PLEKHA6: variants seen among roughly 807,000 people sequenced by gnomAD.
PLEKHA6 encodes pleckstrin homology domain-containing family A member 6.
In PLEKHA6, 60 loss-of-function variants were observed where a neutral mutation model predicts 116.7. The ratio of observed to expected loss-of-function variants is 0.51; its 90% confidence interval spans 0.42 to 0.64. PLEKHA6 has a LOEUF of 0.64. PLEKHA6 is among the 30% of genes least tolerant of loss of function. The pLI is 0.00. For missense variants in PLEKHA6, 1,338 were observed against 1,422.7 expected, an observed-to-expected ratio of 0.94 and a Z score of 0.96; for synonymous variants, 489 against 556.1, an observed-to-expected ratio of 0.88 and a Z score of 1.70.
Position 204,228,242 on chromosome 1 carries a change from G to A in PLEKHA6, c.2886-14C>T. On this transcript the variant is annotated splice_polypyrimidine_tract_variant and intron_variant, in intron 20 of 22. Transcript: ENST00000272203. The surrounding 1 kb of genome is among the most constrained non-coding windows in gnomAD (Gnocchi z 4.0). ...ACGTTCTGCATACTGAAGAGGCACA[G>A]ACACACAGAAATGGAGGGAGGGACA... The A allele has an allele frequency of 6.3e-7, 1 of 1,582,452 alleles. No individual in the cohort carries two copies. The highest frequency in any genetic ancestry group is 1.1e-5 in the South Asian group (1 of 86,998).
chr1:204,358,341 T>A (rs1673471573), intron 1 of PLEKHA6, among the ~76,000 whole-genome samples: 1 of 151,054 alleles, frequency 6.6e-6, no homozygotes, highest in Non-Finnish European at 1.5e-5. Context: ...CGCTCCCACC[T>A]CCCCTCCACC....
In PLEKHA6 at chr1:204,261,212, C is replaced by T; in HGVS notation, c.524+94G>A. On this transcript the variant is annotated intron_variant, in intron 7 of 22. Coordinates refer to ENST00000272203, the MANE Select transcript of PLEKHA6 (RefSeq NM_014935.5). The surrounding 1 kb of genome is among the most constrained non-coding windows in gnomAD (Gnocchi z 4.0). ...CACATTCTCCAGGGCTTCAAGTAGGCACACTGGGATTAGCAATGGCCCAGA... is the reference window on the plus strand; with the variant it reads ...CACATTCTCCAGGGCTTCAAGTAGGTACACTGGGATTAGCAATGGCCCAGA... 1 of 1,439,368 alleles carries T rather than the reference C, an allele frequency of 6.9e-7. No homozygotes were observed. The highest frequency in any genetic ancestry group is 9.8e-7 in the Non-Finnish European group (1 of 1,023,186). The allele number at this position is 1,439,368 out of a possible 1,614,324, so 89.2% of individuals were successfully genotyped here. A position where few individuals can be genotyped will look rare whatever the true frequency, so the allele number is the denominator to read the frequency against.
chr1:204,298,529 G>T (rs757343298), intron 1 of PLEKHA6, among the ~76,000 whole-genome samples: 1 of 152,198 alleles, frequency 6.6e-6, no homozygotes, highest in Non-Finnish European at 1.5e-5. Context: ...GGTTCCATCA[G>T]TCAGACTACC....
intron 1 of PLEKHA6, among the ~76,000 whole-genome samples, chr1:204,350,536 T>C (rs1270215891): frequency 6.6e-6 from 1 of 152,118 alleles, no homozygotes; most frequent in African/African-American, 2.4e-5. Context: ...CTTCACAGGC[T>C]GGAAAGCAGC....
chr1:204,234,728 A>T (rs1309415207), intron 17 of PLEKHA6, among the ~76,000 whole-genome samples: 1 of 151,872 alleles, frequency 6.6e-6, no homozygotes, highest in Non-Finnish European at 1.5e-5. Context: ...GCACAATCTA[A>T]TCAGCTGCCA....
At chr1:204,273,995 A>C (rs1176489508) in intron 2 of PLEKHA6, among the ~76,000 whole-genome samples, 1 of 152,146 alleles carries the variant, frequency 6.6e-6, no homozygotes, top group Non-Finnish European at 1.5e-5. Context: ...GCACAGTGGC[A>C]CAATCAAGAC....
chr1:204,326,973 G>T, intron 1 of PLEKHA6: 1 of 985,234 alleles, frequency 1.0e-6, no homozygotes, highest in South Asian at 4.7e-5. Flanking sequence ...AGGCAGAAGC[G>T]CGCTGGGTAC....
In PLEKHA6 at chr1:204,257,052, A is replaced by T. The variant is rs764011493; in HGVS notation, c.1524+301T>A. On this transcript the variant is annotated intron_variant, in intron 9 of 22. Transcript: ENST00000272203. The surrounding 1 kb of genome is among the most constrained non-coding windows in gnomAD (Gnocchi z 6.5). ...GCAATGATCTGTCCAGGTCCTCAAGATTTGAAAAGACAGAACCCTCTCTGC... is the reference window on the plus strand; with the variant it reads ...GCAATGATCTGTCCAGGTCCTCAAGTTTTGAAAAGACAGAACCCTCTCTGC... Among the ~76,000 whole-genome samples, 1 of 152,206 alleles carries T rather than the reference A, an allele frequency of 6.6e-6. No homozygotes were observed. The highest frequency in any genetic ancestry group is 2.4e-5 in the African/African-American group (1 of 41,456).
intron 1 of PLEKHA6, among the ~76,000 whole-genome samples, chr1:204,308,438 A>C (rs968629702): frequency 7.2e-5 from 11 of 152,162 alleles, no homozygotes; most frequent in African/African-American, 2.7e-4. Context: ...AATCAATGTC[A>C]GTTGGAACCA....
chr1:204,234,955 TA>T, intron 17 of PLEKHA6, among the ~76,000 whole-genome samples: 1 of 1,008 alleles, frequency 9.9e-4, no homozygotes, highest in Admixed American at 5.8e-3. Flanking sequence ...AACTGCCCTT[TA>T]TATATATATA....
intron 17 of PLEKHA6, among the ~76,000 whole-genome samples, chr1:204,234,385 T>C (rs1457054654): frequency 6.6e-6 from 1 of 152,130 alleles, no homozygotes; most frequent in Non-Finnish European, 1.5e-5. Flanking sequence ...ACAGAATAAG[T>C]TTCTATTGTT....
intron 9 of PLEKHA6, among the ~76,000 whole-genome samples, chr1:204,254,488 G>A (rs1665016252): frequency 6.6e-6 from 1 of 152,060 alleles, no homozygotes; most frequent in South Asian, 2.1e-4. Flanking sequence ...TCATCCTAAT[G>A]AGGTTTGACA....
intron 1 of PLEKHA6, among the ~76,000 whole-genome samples, chr1:204,321,569 C>G (rs1190464736): frequency 1.3e-5 from 2 of 151,680 alleles, no homozygotes; most frequent in African/African-American, 2.4e-5. Flanking sequence ...ACCCTTCCAC[C>G]CTACCCTTCC....
In PLEKHA6 at chr1:204,257,964, G is replaced by A. The variant is rs1665588334; in HGVS notation, c.1008-95C>T. On this transcript the variant is annotated intron_variant, in intron 8 of 22. Transcript: ENST00000272203. This position sits in a 1 kb window ranked among gnomAD's most constrained non-coding sequence, Gnocchi z 6.5. ...TCCAGGTCCCCCAGCCTAGAGCAGG[G>A]TGCTTGAATAGGTACACAGGGGCTG... 2.6e-6 allele frequency: 3 copies of A among 1,153,508 alleles called. No homozygotes were observed. The African/African-American group carries it at 4.6e-5, about 18-fold the overall frequency. The allele number at this position is 1,153,508 out of a possible 1,614,324, so 71.5% of individuals were successfully genotyped here. A position where few individuals can be genotyped will look rare whatever the true frequency, so the allele number is the denominator to read the frequency against.
At chr1:204,355,580 C>T (rs905634621) in intron 1 of PLEKHA6, among the ~76,000 whole-genome samples, 24 of 152,144 alleles carry the variant, frequency 1.6e-4, no homozygotes, top group African/African-American at 5.8e-4. Flanking sequence ...CGTGGGATTA[C>T]AGGAAGCCAG....
chr1:204,367,620 G>A (rs74358187), intron 3 of PLEKHA6, among the ~76,000 whole-genome samples: 5 of 152,180 alleles, frequency 3.3e-5, no homozygotes, highest in East Asian at 1.9e-4. Context: ...ATAAACAGAC[G>A]CACTGATACA....
chr1:204,304,784 T>G (rs557187785), intron 1 of PLEKHA6, among the ~76,000 whole-genome samples: 1 of 152,292 alleles, frequency 6.6e-6, no homozygotes, highest in South Asian at 2.1e-4. Flanking sequence ...TCCTACGCTT[T>G]TGGGATTCAG....
chr1:204,341,468 G>T (rs540505442), intron 1 of PLEKHA6, among the ~76,000 whole-genome samples: 3 of 152,314 alleles, frequency 2.0e-5, no homozygotes, highest in African/African-American at 7.2e-5. Context: ...CCTTGCCAAA[G>T]GTCAGCAGGG....
chr1:204,233,256 C>T (rs1661460519), intron 17 of PLEKHA6, among the ~76,000 whole-genome samples: 1 of 149,586 alleles, frequency 6.7e-6, no homozygotes, highest in South Asian at 2.1e-4. Flanking sequence ...TTCACTGCAG[C>T]CTCCACCTCC....
Sources: allele counts gnomAD v4.1 joint callset (sites outside exome capture counted in the v4.1 genomes callset), GRCh38; gene constraint gnomAD v4.1.1; non-coding constraint Gnocchi (gnomAD v3.1); transcripts MANE v1.5; gene names NCBI Gene and HGNC (gene_info 2026-07-23, HGNC 2026-07-21).